The following ZNF385D variants were observed in gnomAD, a reference collection of about 807,000 sequenced individuals.
ZNF385D encodes the protein zinc finger protein 385D.
Under a neutral mutation model 35.8 loss-of-function variants are expected in ZNF385D, and 15 were observed. The observed-to-expected ratio is 0.42, with a 90% CI of 0.28 to 0.64. The LOEUF (loss-of-function observed/expected upper bound fraction) is 0.64. ZNF385D is among the 30% of genes least tolerant of loss of function. ZNF385D has a pLI of 0.23. For missense variants in ZNF385D, 474 were observed against 494.6 expected, an observed-to-expected ratio of 0.96 and a Z score of 0.39; for synonymous variants, 212 against 186.8, an observed-to-expected ratio of 1.13 and a Z score of -1.10.
chr3:21,433,953 T>C (rs9853474), intron 5 of ZNF385D, among the ~76,000 whole-genome samples: 14,121 of 152,152 alleles, frequency 0.093, 694 homozygotes, highest in Non-Finnish European at 0.11. Context: ...TTCCAAATAC[T>C]TTGAGCTCAC....
intron 3 of ZNF385D, among the ~76,000 whole-genome samples, chr3:21,757,518 G>T (rs1328706704): frequency 6.6e-6 from 1 of 152,090 alleles, no homozygotes; most frequent in African/African-American, 2.4e-5. Flanking sequence ...TTAATAACCA[G>T]CATTGAGAGC....
intron 4 of ZNF385D, among the ~76,000 whole-genome samples, chr3:21,456,623 T>A (rs1456957840): frequency 6.6e-6 from 1 of 152,100 alleles, no homozygotes; most frequent in Non-Finnish European, 1.5e-5. Context: ...CATTAGGAGA[T>A]ATACCTAATG....
chr3:22,164,139 A>G (rs1383526547), intron 3 of ZNF385D, among the ~76,000 whole-genome samples: 1 of 148,080 alleles, frequency 6.8e-6, no homozygotes, highest in African/African-American at 2.5e-5. Flanking sequence ...TGTGAAATTT[A>G]TGGCATATAA....
intron 3 of ZNF385D, among the ~76,000 whole-genome samples, chr3:22,166,386 TGAA>T (rs1185695799): frequency 6.6e-6 from 1 of 152,196 alleles, no homozygotes; most frequent in Non-Finnish European, 1.5e-5. Flanking sequence ...TCTGTTTGAA[TGAA>T]GAAAGGCATA....
chr3:21,858,150 A>G (rs1312806993), intron 3 of ZNF385D, among the ~76,000 whole-genome samples: 2 of 120,582 alleles, frequency 1.7e-5, no homozygotes, highest in Non-Finnish European at 3.4e-5. Context: ...ACACAGCAAG[A>G]GTCTATCAAA....
intron 3 of ZNF385D, among the ~76,000 whole-genome samples, chr3:21,876,278 T>C (rs1208183435): frequency 6.6e-6 from 1 of 151,758 alleles, no homozygotes; most frequent in Non-Finnish European, 1.5e-5. Flanking sequence ...GTTTTTTTTT[T>C]CTGTCCTATT....
intron 3 of ZNF385D, among the ~76,000 whole-genome samples, chr3:22,145,769 A>G (rs1032973874): frequency 7.9e-5 from 12 of 152,186 alleles, no homozygotes; most frequent in African/African-American, 2.7e-4. Flanking sequence ...GATGCTTCAG[A>G]GAGTAGAGAG....
intron 2 of ZNF385D, among the ~76,000 whole-genome samples, chr3:22,223,860 T>C (rs1008156807): frequency 1.3e-5 from 2 of 152,124 alleles, no homozygotes; most frequent in African/African-American, 4.8e-5. Context: ...ATCCTAGTAA[T>C]TCTGATTGGT....
chr3:21,884,534 G>C (rs1330892842), intron 3 of ZNF385D, among the ~76,000 whole-genome samples: 1 of 151,994 alleles, frequency 6.6e-6, no homozygotes, highest in South Asian at 2.1e-4. Flanking sequence ...TTCAGAAATT[G>C]TATAAGCCAA....
intron 2 of ZNF385D, among the ~76,000 whole-genome samples, chr3:22,326,409 G>A (rs891303432): frequency 7.9e-5 from 12 of 152,144 alleles, no homozygotes; most frequent in African/African-American, 1.9e-4. Flanking sequence ...TGTGAGCCAG[G>A]GGTCTAGCCT....
intron 3 of ZNF385D, among the ~76,000 whole-genome samples, chr3:21,761,345 G>A (rs2070599576): frequency 1.3e-5 from 2 of 152,126 alleles, no homozygotes; most frequent in African/African-American, 2.4e-5. Flanking sequence ...CTAAATTTGG[G>A]GTAATATTTT....
chr3:22,187,432 T>C (rs549928419), intron 2 of ZNF385D, among the ~76,000 whole-genome samples: 1 of 152,194 alleles, frequency 6.6e-6, no homozygotes, highest in African/African-American at 2.4e-5. Flanking sequence ...TTATAAAATA[T>C]GAAAACTTTC....
At chr3:21,425,218 G>T (rs138358966) in intron 6 of ZNF385D, among the ~76,000 whole-genome samples, 1 of 152,154 alleles carries the variant, frequency 6.6e-6, no homozygotes, top group Non-Finnish European at 1.5e-5. Context: ...CCCACTCTTC[G>T]TATACAAGAA....
At chr3:22,355,391 T>C (rs1696104564) in intron 2 of ZNF385D, among the ~76,000 whole-genome samples, 1 of 152,026 alleles carries the variant, frequency 6.6e-6, no homozygotes, top group South Asian at 2.1e-4. Context: ...ACATATTCTT[T>C]CTAACATAGT....
At chr3:22,101,148 AAAAT>A (rs533484824) in intron 3 of ZNF385D, among the ~76,000 whole-genome samples, 27 of 152,078 alleles carry the variant, frequency 1.8e-4, no homozygotes, top group Non-Finnish European at 4.0e-4. Context: ...AATTTTTACA[AAAAT>A]AAATAAGTTA....
chr3:22,092,026 T>C (rs1357911262), intron 3 of ZNF385D, among the ~76,000 whole-genome samples: 2 of 152,204 alleles, frequency 1.3e-5, no homozygotes, highest in African/African-American at 4.8e-5. Flanking sequence ...AGAACATTTA[T>C]AACTTATTAG....
chr3:22,249,837 C>T (rs1490585264), intron 2 of ZNF385D, among the ~76,000 whole-genome samples: 2 of 152,238 alleles, frequency 1.3e-5, no homozygotes, highest in Non-Finnish European at 2.9e-5. Context: ...CCACCTGAAA[C>T]AAGAGATGGA....
chr3:21,483,868 T>C (rs1423357498), intron 4 of ZNF385D, among the ~76,000 whole-genome samples: 1 of 152,192 alleles, frequency 6.6e-6, no homozygotes, highest in Non-Finnish European at 1.5e-5. Context: ...TGGACTAATA[T>C]TTCTTTTTTG....
chr3:21,716,757 G>C (rs2068333884), intron 1 of ZNF385D, among the ~76,000 whole-genome samples: 1 of 152,044 alleles, frequency 6.6e-6, no homozygotes, highest in African/African-American at 2.4e-5. Context: ...TAAAATGTAA[G>C]TTCTATCAGG....
Sources: gnomAD v4.1 joint callset for allele counts (sites outside exome capture counted in the v4.1 genomes callset) on GRCh38, gnomAD v4.1.1 for gene constraint, MANE v1.5 for transcripts, NCBI Gene and HGNC (gene_info 2026-07-23, HGNC 2026-07-21) for gene names.